SRRM4: variants seen among roughly 807,000 people sequenced by gnomAD.
SRRM4 encodes the protein serine/arginine repetitive matrix protein 4.
SRRM4 carries 33 observed loss-of-function variants against 68.9 expected under a neutral mutation model. The observed-to-expected ratio is 0.48, with a 90% confidence interval of 0.36 to 0.64. The LOEUF (loss-of-function observed/expected upper bound fraction) is 0.64. SRRM4 is among the 30% of genes least tolerant of loss of function. The pLI, the probability that SRRM4 is intolerant of heterozygous loss-of-function variation, is 0.00. For synonymous variants in SRRM4, 318 were observed against 318.8 expected (o/e 1.00, Z 0.03); for missense variants, 817 against 827.1 (o/e 0.99, Z 0.15).
At chr12:119,150,519 C>G (rs1266572652) in intron 9 of SRRM4, among the ~76,000 whole-genome samples, 1 of 152,126 alleles carries the variant, frequency 6.6e-6, no homozygotes, top group Non-Finnish European at 1.5e-5. Flanking sequence ...ATGATTAAAA[C>G]AATGGATTTA....
Position 119,161,705 on chromosome 12 carries a change from A to T in SRRM4, c.*4907A>T, listed in dbSNP as rs1444233615. 4 of 152,628 alleles carry T rather than the reference A, an allele frequency of 2.6e-5. No homozygotes were observed. The highest frequency in any genetic ancestry group is 5.9e-5 in the Non-Finnish European group (4 of 68,044). 9.5% of individuals were successfully genotyped at this position (152,628 alleles called of 1,614,324 possible). On this transcript the variant is annotated 3_prime_UTR_variant, in exon 13 of 13. Coordinates refer to ENST00000267260, the MANE Select transcript of SRRM4 (RefSeq NM_194286.4). ...CAAGGGCATTACTGCCCAGGTAAGGAGTGCTAGAATCACCAAGCAAATTGA... is the reference window on the plus strand; with the variant it reads ...CAAGGGCATTACTGCCCAGGTAAGGTGTGCTAGAATCACCAAGCAAATTGA...
intron 1 of SRRM4, among the ~76,000 whole-genome samples, chr12:119,005,521 A>G (rs547596254): frequency 6.6e-6 from 1 of 152,198 alleles, no homozygotes; most frequent in East Asian, 1.9e-4. Context: ...GCTGGAAACC[A>G]CTGGTGTGGT....
At chr12:119,104,070 T>TA (rs1232188408) in intron 2 of SRRM4, among the ~76,000 whole-genome samples, 4 of 152,202 alleles carry the variant, frequency 2.6e-5, no homozygotes, top group Non-Finnish European at 5.9e-5. Flanking sequence ...CCCTGTCACT[T>TA]ACGAACTGAG....
At chr12:119,065,400 G>A (rs571416144) in intron 1 of SRRM4, among the ~76,000 whole-genome samples, 2 of 152,126 alleles carry the variant, frequency 1.3e-5, no homozygotes, top group South Asian at 2.1e-4. Flanking sequence ...ATTGAACTAT[G>A]TAGGACCTAA....
intron 7 of SRRM4, among the ~76,000 whole-genome samples, chr12:119,126,539 C>A (rs1297273592): frequency 6.6e-6 from 1 of 152,142 alleles, no homozygotes; most frequent in African/African-American, 2.4e-5. Flanking sequence ...AGAAGCTAAG[C>A]AAACTATGTA....
intron 8 of SRRM4, among the ~76,000 whole-genome samples, chr12:119,137,096 CA>C (rs1158064201): frequency 1.3e-5 from 2 of 150,126 alleles, no homozygotes; most frequent in Non-Finnish European, 3.0e-5. Context: ...CTTTGTGAAA[CA>C]AAAGCTTTTT....
intron 1 of SRRM4, among the ~76,000 whole-genome samples, chr12:119,010,378 C>T (rs1216702095): frequency 6.6e-6 from 1 of 152,186 alleles, no homozygotes; most frequent in African/African-American, 2.4e-5. Context: ...TGAGATGAAT[C>T]ATTGCGAACC....
chr12:119,030,908 T>C (rs1953585040), intron 1 of SRRM4: 1 of 152,232 alleles, frequency 6.6e-6, no homozygotes, highest in Non-Finnish European at 1.5e-5. Context: ...TGTTTCCAAA[T>C]GTTCTCAATT....
intron 1 of SRRM4, among the ~76,000 whole-genome samples, chr12:119,054,154 T>C (rs1056540696): frequency 6.6e-6 from 1 of 152,222 alleles, no homozygotes; most frequent in Non-Finnish European, 1.5e-5. Flanking sequence ...TTTCTGTGCC[T>C]GGCTTATTTC....
rs1321356630 is a variant in SRRM4 at position 119,159,265 on chromosome 12, C to A, written c.*2467C>A. The A allele has an allele frequency of 6.6e-6, 1 of 152,116 alleles. No individual in the cohort carries two copies. The highest frequency in any genetic ancestry group is 1.5e-5 in the Non-Finnish European group (1 of 68,086). 9.4% of individuals were successfully genotyped at this position (152,116 alleles called of 1,614,324 possible). A position where few individuals can be genotyped will look rare whatever the true frequency, so the allele number is the denominator to read the frequency against. ...TCCCCCAGGAACCTCACAGGGGTAT[C>A]AAAAAGATGTAAACAGCCCAGAGGC... is the stretch of plus-strand genomic sequence containing the variant. On this transcript the variant is annotated 3_prime_UTR_variant, in exon 13 of 13. Coordinates refer to ENST00000267260, the MANE Select transcript of SRRM4 (RefSeq NM_194286.4).
In SRRM4 at chr12:119,044,622, CT is replaced by C. The variant is rs537382029; in HGVS notation, c.132-57611del. ...CCAGCTGTGTAGACTTGGCCAAGTC[CT>C]TTAGCCTCCCTGAGCCTCATTTTCT... On this transcript the variant is annotated intron_variant, in intron 1 of 12. Transcript: ENST00000267260. 4.6e-3 allele frequency among the ~76,000 whole-genome samples: 703 copies of C among 152,166 alleles called. 5 individuals carry two copies. Among genetic ancestry groups the C allele is most frequent in the African/African-American group, 0.016 (674 of 41,522 alleles).
chr12:119,030,762 A>T (rs1271737949), intron 1 of SRRM4, among the ~76,000 whole-genome samples: 1 of 152,136 alleles, frequency 6.6e-6, no homozygotes, highest in Non-Finnish European at 1.5e-5. Flanking sequence ...TTTCATGTCC[A>T]TATCATACGA....
At chr12:119,060,148 G>T (rs1953801677) in intron 1 of SRRM4, among the ~76,000 whole-genome samples, 1 of 152,014 alleles carries the variant, frequency 6.6e-6, no homozygotes, top group African/African-American at 2.4e-5. Flanking sequence ...TTTCGGCTTT[G>T]ATATTTCATG....
intron 1 of SRRM4, among the ~76,000 whole-genome samples, chr12:119,101,402 C>T (rs1954077085): frequency 6.6e-6 from 1 of 152,076 alleles, no homozygotes; most frequent in Admixed American, 6.6e-5. Context: ...GTGTCATTGG[C>T]AGAGTTGGGG....
chr12:119,106,282 G>A (rs1408263459), intron 2 of SRRM4, among the ~76,000 whole-genome samples: 2 of 152,128 alleles, frequency 1.3e-5, no homozygotes, highest in East Asian at 3.9e-4. Context: ...GGATTGTCTT[G>A]GCAATGCGGG....
At chr12:119,074,529 G>A (rs185353309) in intron 1 of SRRM4, among the ~76,000 whole-genome samples, 8 of 152,270 alleles carry the variant, frequency 5.3e-5, no homozygotes, top group Non-Finnish European at 1.0e-4. Flanking sequence ...CTTCCAGTCA[G>A]GTGGGCTTGA....
intron 7 of SRRM4, among the ~76,000 whole-genome samples, chr12:119,130,211 GATA>G (rs1272330267): frequency 9.2e-5 from 13 of 141,376 alleles, no homozygotes; most frequent in South Asian, 2.6e-4. Flanking sequence ...TGCTTAGACA[GATA>G]GATGGATGGA....
chr12:119,111,986 C>T (rs969852947), intron 2 of SRRM4, among the ~76,000 whole-genome samples: 1 of 151,324 alleles, frequency 6.6e-6, no homozygotes, highest in African/African-American at 2.4e-5. Flanking sequence ...ATGGAGGTTG[C>T]AGTGAGCTGA....
chr12:119,012,795 C>T (rs957450648), intron 1 of SRRM4, among the ~76,000 whole-genome samples: 24 of 152,270 alleles, frequency 1.6e-4, no homozygotes, highest in African/African-American at 4.6e-4. Flanking sequence ...TGTGCATTTC[C>T]GCTTTTCTTG....
Sources: allele counts gnomAD v4.1 joint callset (sites outside exome capture counted in the v4.1 genomes callset), GRCh38; gene constraint gnomAD v4.1.1; transcripts MANE v1.5; gene names NCBI Gene and HGNC (gene_info 2026-07-23, HGNC 2026-07-21).